Variants in BNC2 observed in about 807,000 individuals in gnomAD.
The protein encoded by BNC2 is zinc finger protein basonuclin-2.
A neutral mutation model predicts 76.3 loss-of-function variants in BNC2; 20 were observed. The ratio of observed to expected loss-of-function variants is 0.26; its 90% CI spans 0.18 to 0.38. BNC2 has a LOEUF of 0.38. Among genes scored for constraint, BNC2 ranks in the 10% least tolerant of loss-of-function variants. The pLI is 1.00. For synonymous variants in BNC2, 582 were observed against 514.8 expected (o/e 1.13, Z -1.77); for missense variants, 1,382 against 1,399.8 (o/e 0.99, Z 0.20).
intron 1 of BNC2, among the ~76,000 whole-genome samples, chr9:16,833,195 C>T (rs1818623222): frequency 6.6e-6 from 1 of 152,156 alleles, no homozygotes; most frequent in Admixed American, 6.5e-5. Context: ...TCCCTCCTCC[C>T]AAGTGACAAC....
At chr9:16,581,465 G>T (rs1178740157) in intron 4 of BNC2, among the ~76,000 whole-genome samples, 3 of 152,192 alleles carry the variant, frequency 2.0e-5, no homozygotes, top group Admixed American at 2.0e-4. Context: ...GGCTGAGGAA[G>T]GAGAACCGCT....
chr9:16,685,646 C>A (rs778543049), intron 3 of BNC2: 2 of 1,301,684 alleles, frequency 1.5e-6, no homozygotes, highest in Non-Finnish European at 2.0e-6. Context: ...AATACAGCCA[C>A]GTTAGATGCT....
At chr9:16,861,099 T>C (rs903240242) in intron 1 of BNC2, among the ~76,000 whole-genome samples, 8 of 150,722 alleles carry the variant, frequency 5.3e-5, no homozygotes, top group Admixed American at 1.3e-4. Context: ...CCCAGAATTT[T>C]GGGGGGTCAA....
At chr9:16,586,478 C>T (rs1819774383) in intron 3 of BNC2, among the ~76,000 whole-genome samples, 1 of 152,178 alleles carries the variant, frequency 6.6e-6, no homozygotes, top group Non-Finnish European at 1.5e-5. Context: ...CTCATCCCAT[C>T]TGGTCCTTTT....
chr9:16,497,760 C>G (rs1202421322), intron 5 of BNC2, among the ~76,000 whole-genome samples: 1 of 151,992 alleles, frequency 6.6e-6, no homozygotes, highest in African/African-American at 2.4e-5. Flanking sequence ...TAAAAACATC[C>G]ACCAACATAA....
chr9:16,676,822 GTT>G (rs573694822), intron 3 of BNC2, among the ~76,000 whole-genome samples: 1 of 152,136 alleles, frequency 6.6e-6, no homozygotes, highest in Non-Finnish European at 1.5e-5. Flanking sequence ...TTCATGAACT[GTT>G]TTTTTCCCTG....
intron 5 of BNC2, among the ~76,000 whole-genome samples, chr9:16,503,127 ACAG>A (rs1387607387): frequency 1.3e-5 from 2 of 152,306 alleles, no homozygotes; most frequent in African/African-American, 4.8e-5. Flanking sequence ...TGAAAGAAAA[ACAG>A]AAAAGAATAT....
intron 5 of BNC2, among the ~76,000 whole-genome samples, chr9:16,496,299 G>C (rs1216862371): frequency 6.6e-6 from 1 of 152,154 alleles, no homozygotes; most frequent in African/African-American, 2.4e-5. Context: ...ATGTGGTTCT[G>C]TGCTTCTTTT....
chr9:16,766,562 T>G (rs376729401), intron 1 of BNC2, among the ~76,000 whole-genome samples: 1 of 152,198 alleles, frequency 6.6e-6, no homozygotes, highest in Non-Finnish European at 1.5e-5. Flanking sequence ...CTTTTGTTTA[T>G]TTTCACTCAA....
chr9:16,581,359 A>C (rs2133032786), intron 4 of BNC2, among the ~76,000 whole-genome samples: 1 of 152,308 alleles, frequency 6.6e-6, no homozygotes, highest in South Asian at 2.1e-4. Context: ...GGAGTTCGAG[A>C]CCAGCCTGGC....
At position 16,585,710 on chromosome 9, in the gene BNC2, A is replaced by T. The variant is rs115482155; in HGVS notation, c.331-2625T>A. Among the ~76,000 whole-genome samples, 1,124 of 152,306 alleles carry T rather than the reference A, an allele frequency of 7.4e-3. 16 individuals are homozygous for T. Among genetic ancestry groups the T allele is most frequent in the African/African-American group, 0.026 (1,081 of 41,574 alleles). ...GCCAACTCACCCACACGCAAATAAC[A>T]TAAGTTATCATAAAACTATCAAAAC... is the stretch of plus-strand genomic sequence containing the variant. On this transcript the variant is annotated intron_variant, in intron 3 of 6. Coordinates refer to ENST00000380672, the MANE Select transcript of BNC2 (RefSeq NM_017637.6).
rs752196068 is a variant in BNC2, at chr9:16,800,035, G to C, written c.4-61550C>G. Among the ~76,000 whole-genome samples, 3 of 152,114 alleles carry C rather than the reference G, an allele frequency of 2.0e-5. No individual in the cohort carries two copies. In the South Asian group the frequency reaches 6.2e-4, roughly 32 times the overall value. On this transcript the variant is annotated intron_variant, in intron 1 of 6. Coordinates refer to ENST00000380672, the MANE Select transcript of BNC2 (RefSeq NM_017637.6). ...AGATCAGGAGTTCGAGACCAGCCTG[G>C]ACAACATGGGGAAACCCCATCTCTA...
At chr9:16,428,409 T>A (rs1229426333) in intron 6 of BNC2, among the ~76,000 whole-genome samples, 1 of 152,212 alleles carries the variant, frequency 6.6e-6, no homozygotes, top group African/African-American at 2.4e-5. Context: ...CGAAATCTTA[T>A]TTCCCATCAA....
chr9:16,706,590 T>C (rs1025763431), intron 3 of BNC2, among the ~76,000 whole-genome samples: 2 of 152,202 alleles, frequency 1.3e-5, no homozygotes, highest in Non-Finnish European at 2.9e-5. Context: ...TAAAACCAAA[T>C]TGTCTTCTTT....
chr9:16,531,334 C>T (rs1817968968), intron 5 of BNC2, among the ~76,000 whole-genome samples: 3 of 150,572 alleles, frequency 2.0e-5, no homozygotes, highest in Admixed American at 6.6e-5. Flanking sequence ...TGTGCAAAAA[C>T]AAGAAAGCGG....
At position 16,418,795 on chromosome 9, in the gene BNC2, T is replaced by A; in HGVS notation, c.*194A>T. 1.5e-6 allele frequency: 1 copy of A among 655,824 alleles called. No homozygotes were observed. Among genetic ancestry groups the A allele is most frequent in the South Asian group, 2.0e-5 (1 of 51,136 alleles). The allele number at this position is 655,824 out of a possible 1,614,324, so 40.6% of individuals were successfully genotyped here. On this transcript the variant is annotated 3_prime_UTR_variant, in exon 7 of 7. Transcript: ENST00000380672. The stretch of plus-strand genomic sequence containing the variant: ...AACTATAAAGGGAAGTGAAAAAAAT[T>A]CAAAAGCACCTAGTGTTTATCTTGT...
chr9:16,445,977 G>A (rs1821223151), intron 5 of BNC2, among the ~76,000 whole-genome samples: 1 of 152,074 alleles, frequency 6.6e-6, no homozygotes. Flanking sequence ...AGAATGTTGG[G>A]GCTCTCAGAA....
chr9:16,522,433 T>G (rs1817647703), intron 5 of BNC2, among the ~76,000 whole-genome samples: 1 of 152,170 alleles, frequency 6.6e-6, no homozygotes, highest in South Asian at 2.1e-4. Context: ...CGGGTTTTTG[T>G]TCCATGTAAG....
At chr9:16,761,949 T>C (rs998196293) in intron 1 of BNC2, among the ~76,000 whole-genome samples, 24 of 152,138 alleles carry the variant, frequency 1.6e-4, no homozygotes, top group Admixed American at 1.3e-3. Flanking sequence ...AAATTTATCA[T>C]GATACTCAAA....
Sources: gnomAD v4.1 joint callset for allele counts (sites outside exome capture counted in the v4.1 genomes callset) on GRCh38, gnomAD v4.1.1 for gene constraint, MANE v1.5 for transcripts, NCBI Gene and HGNC (gene_info 2026-07-23, HGNC 2026-07-21) for gene names.